MEGF11: variants seen among roughly 807,000 people sequenced by gnomAD.
The protein encoded by MEGF11 is multiple epidermal growth factor-like domains protein 11.
In MEGF11, 126 loss-of-function variants were observed where a neutral mutation model predicts 146.6. The observed-to-expected ratio is 0.86, with a 90% CI of 0.74 to 1.00. The LOEUF is 1.00. Among genes scored for constraint, MEGF11 ranks in the 50% least tolerant of loss-of-function variants. The pLI, the probability that MEGF11 is intolerant of heterozygous loss-of-function variation, is 0.00. For missense variants in MEGF11, 1,509 were observed against 1,521.2 expected, an observed-to-expected ratio of 0.99 and a Z score of 0.13; for synonymous variants, 532 against 583.4, an observed-to-expected ratio of 0.91 and a Z score of 1.27.
At chr15:66,117,357 C>T (rs2087781197) in intron 4 of MEGF11, among the ~76,000 whole-genome samples, 8 of 152,126 alleles carry the variant, frequency 5.3e-5, no homozygotes, top group Admixed American at 5.2e-4. Flanking sequence ...CCTAGGGTCA[C>T]CTGGCCAGAA....
chr15:66,197,854 T>C (rs901366835), intron 1 of MEGF11, among the ~76,000 whole-genome samples: 1 of 152,176 alleles, frequency 6.6e-6, no homozygotes, highest in African/African-American at 2.4e-5. Context: ...TAACGAATTC[T>C]CCTGAGCCAC....
intron 1 of MEGF11, among the ~76,000 whole-genome samples, chr15:66,166,192 C>A (rs1175528306): frequency 1.3e-5 from 2 of 152,134 alleles, no homozygotes; most frequent in African/African-American, 4.8e-5. Flanking sequence ...GAACTCTGTG[C>A]CCCCTTGCTC....
At chr15:66,012,167 TG>T (rs2082729653) in intron 5 of MEGF11, among the ~76,000 whole-genome samples, 1 of 152,148 alleles carries the variant, frequency 6.6e-6, no homozygotes, top group Admixed American at 6.5e-5. Context: ...GAGACCAACC[TG>T]GGCAACATTG....
chr15:66,113,784 G>A (rs542805525), intron 4 of MEGF11, among the ~76,000 whole-genome samples: 3 of 152,230 alleles, frequency 2.0e-5, no homozygotes, highest in Non-Finnish European at 2.9e-5. Context: ...TGGAGGTTGA[G>A]GCAGGAGAAT....
At chr15:66,134,454 G>A (rs1431060018) in intron 1 of MEGF11, among the ~76,000 whole-genome samples, 1 of 152,058 alleles carries the variant, frequency 6.6e-6, no homozygotes, top group Non-Finnish European at 1.5e-5. Flanking sequence ...CCGGACACCT[G>A]CCTGGCCCCT....
intron 9 of MEGF11, among the ~76,000 whole-genome samples, chr15:65,961,417 C>T (rs1309773761): frequency 6.6e-6 from 1 of 152,196 alleles, no homozygotes; most frequent in African/African-American, 2.4e-5. Context: ...AGATTTCTAT[C>T]AATGCTGCAT....
chr15:65,987,778 TTG>T (rs1165048028), intron 5 of MEGF11, among the ~76,000 whole-genome samples: 26 of 150,762 alleles, frequency 1.7e-4, no homozygotes, highest in East Asian at 7.9e-4. Flanking sequence ...TGGTGCGATC[TTG>T]GCTCACTGCA....
chr15:65,966,698 T>C (rs977131467), intron 8 of MEGF11, among the ~76,000 whole-genome samples: 7 of 152,088 alleles, frequency 4.6e-5, no homozygotes, highest in Non-Finnish European at 1.0e-4. Flanking sequence ...GGGACCACCT[T>C]TGTGTCCTGT....
rs181638026 is a variant in MEGF11 at position 66,164,350 on chromosome 15, G to A, written c.-8-35939C>T. On this transcript the variant is annotated intron_variant, in intron 1 of 25. Transcript: ENST00000395614. ...AATGGAGTTGTGCAGTACACAACCT[G>A]GATCGCTGCACGTGAGGGGCCTGCT... 3.9e-5 allele frequency among the ~76,000 whole-genome samples: 6 copies of A among 152,280 alleles called. No homozygotes were observed. The East Asian group carries it at 9.7e-4, about 25-fold the overall frequency.
At chr15:66,057,846 C>T (rs185226700) in intron 5 of MEGF11, among the ~76,000 whole-genome samples, 6 of 152,108 alleles carry the variant, frequency 3.9e-5, no homozygotes, top group African/African-American at 9.7e-5. Flanking sequence ...AATACCTGAA[C>T]GAAAACCCCC....
chr15:66,167,285 T>C (rs2090122758), intron 1 of MEGF11, among the ~76,000 whole-genome samples: 1 of 152,218 alleles, frequency 6.6e-6, no homozygotes, highest in Non-Finnish European at 1.5e-5. Flanking sequence ...CCTACTCTCA[T>C]GACGTTTCAG....
intron 1 of MEGF11, among the ~76,000 whole-genome samples, chr15:66,226,974 CTT>C (rs1421182820): frequency 3.3e-5 from 5 of 152,178 alleles, no homozygotes; most frequent in Non-Finnish European, 7.4e-5. Flanking sequence ...TTGCCAGGCT[CTT>C]TTCCTCCTTC....
chr15:65,944,806 A>T (rs904013898), intron 10 of MEGF11, among the ~76,000 whole-genome samples: 1 of 152,134 alleles, frequency 6.6e-6, no homozygotes, highest in African/African-American at 2.4e-5. Flanking sequence ...TAGAGAACAA[A>T]AAAGGAGTTG....
intron 5 of MEGF11, among the ~76,000 whole-genome samples, chr15:66,084,251 C>T (rs941419750): frequency 6.6e-6 from 1 of 152,038 alleles, no homozygotes; most frequent in Non-Finnish European, 1.5e-5. Context: ...ATAAAGAATG[C>T]CTATAACTCA....
Position 65,897,525 on chromosome 15 carries a change from A to G in MEGF11, c.*409T>C, listed in dbSNP as rs2078380304. ...GGTAACAGCAACCAAAAGTACATAT[A>G]CGTTTCAGGTGCTTTAAAGTAATCC... On this transcript the variant is annotated 3_prime_UTR_variant, in exon 26 of 26. Transcript: ENST00000395614. The G allele has an allele frequency of 6.5e-6, 1 of 153,142 alleles. No homozygotes were observed. Among genetic ancestry groups the G allele is most frequent in the Non-Finnish European group, 1.5e-5 (1 of 68,798 alleles). 9.5% of individuals were successfully genotyped at this position (153,142 alleles called of 1,614,324 possible). A position where few individuals can be genotyped will look rare whatever the true frequency, so the allele number is the denominator to read the frequency against.
chr15:66,230,324 G>C (rs1055736271), intron 1 of MEGF11, among the ~76,000 whole-genome samples: 6 of 152,130 alleles, frequency 3.9e-5, no homozygotes, highest in African/African-American at 1.2e-4. Context: ...CAAACCTTCT[G>C]TCTTACCTCC....
intron 5 of MEGF11, among the ~76,000 whole-genome samples, chr15:66,090,608 A>G (rs1483072755): frequency 6.6e-6 from 1 of 152,188 alleles, no homozygotes; most frequent in Admixed American, 6.5e-5. Context: ...TGCTTTCTAA[A>G]CTCTGAAAAA....
intron 15 of MEGF11, 29 bp from the exon 16 acceptor site, chr15:65,918,123 T>C: frequency 6.2e-7 from 1 of 1,612,194 alleles, no homozygotes; most frequent in Non-Finnish European, 8.5e-7. Context: ...CTGGCACCCA[T>C]CCTCCCACCT....
At chr15:66,062,335 T>C (rs2084939717) in intron 5 of MEGF11, among the ~76,000 whole-genome samples, 1 of 152,250 alleles carries the variant, frequency 6.6e-6, no homozygotes, top group South Asian at 2.1e-4. Context: ...TTTATTTTGC[T>C]AGCATGCACT....
Sources: gnomAD v4.1 joint callset for allele counts (sites outside exome capture counted in the v4.1 genomes callset) on GRCh38, gnomAD v4.1.1 for gene constraint, MANE v1.5 for transcripts, NCBI Gene and HGNC (gene_info 2026-07-23, HGNC 2026-07-21) for gene names.